Variants in ARRB1 observed in about 807,000 individuals in gnomAD.
The protein encoded by ARRB1 is arrestin beta 1.
ARRB1 carries 21 observed loss-of-function variants against 56.8 expected under a neutral mutation model. That is an observed-to-expected ratio of 0.37 (90% CI 0.26 to 0.53). ARRB1 has a LOEUF of 0.53. ARRB1 is among the 20% of genes least tolerant of loss of function. ARRB1 has a pLI of 0.88. For missense variants in ARRB1, 424 were observed against 553.7 expected (o/e 0.77, Z 2.35); for synonymous variants, 210 against 218.6 (o/e 0.96, Z 0.35).
chr11:75,333,104 G>A (rs543013), intron 1 of ARRB1, among the ~76,000 whole-genome samples: 32,514 of 152,074 alleles, frequency 0.21, 3,823 homozygotes, highest in Non-Finnish European at 0.28. Flanking sequence ...CACAGGCCAC[G>A]GTCACTCATA....
In ARRB1 at chr11:75,322,243, C is replaced by T. The variant is rs553967842; in HGVS notation, c.20+29345G>A. Among the ~76,000 whole-genome samples the T allele has an allele frequency of 2.7e-4, 41 of 152,334 alleles. No individual in the cohort carries two copies. In the South Asian group the frequency reaches 7.5e-3, roughly 28 times the overall value. On this transcript the variant is annotated intron_variant, in intron 1 of 15. Transcript: ENST00000420843. ...AACAAAACCAAACCTACCAGCCAGA[C>T]GCCTGTTATCCCAGCACTTTGGGAG...
At chr11:75,282,804 C>T (rs1055957249) in intron 5 of ARRB1, among the ~76,000 whole-genome samples, 3 of 152,232 alleles carry the variant, frequency 2.0e-5, no homozygotes, top group African/African-American at 7.2e-5. Flanking sequence ...GGAGAGACCA[C>T]ACTGAATCTC....
chr11:75,279,483 C>CGGCATCT lies in ARRB1; in HGVS notation c.483-746_483-740dup, dbSNP rs545889230. On this transcript the variant is annotated intron_variant, in intron 7 of 15. Transcript: ENST00000420843. ...CGTCTCTGTGGCATGCTGGGAATGC[C>CGGCATCT]GGCATCTCCGTTGCTCAGATAAGCT... Among the ~76,000 whole-genome samples the CGGCATCT allele has an allele frequency of 1.3e-3, 195 of 152,160 alleles. 3 individuals carry two copies. In the South Asian group the frequency reaches 0.039, roughly 30 times the overall value.
At chr11:75,334,800 C>T (rs551624425) in intron 1 of ARRB1, among the ~76,000 whole-genome samples, 5 of 152,286 alleles carry the variant, frequency 3.3e-5, no homozygotes, top group African/African-American at 1.2e-4. Flanking sequence ...TATGACAGAT[C>T]TCTGCTGTGG....
chr11:75,278,556 G>A (rs1946251767), intron 8 of ARRB1, 53 bp downstream of exon 8: 3 of 1,610,990 alleles, frequency 1.9e-6, no homozygotes, highest in East Asian at 2.2e-5. Flanking sequence ...GGGATCTGAG[G>A]CCCAGGCCCT....
intron 10 of ARRB1, among the ~76,000 whole-genome samples, chr11:75,275,849 T>C (rs1396736695): frequency 2.0e-5 from 3 of 152,198 alleles, no homozygotes; most frequent in Non-Finnish European, 4.4e-5. Flanking sequence ...TCCCTGCTGG[T>C]ATTCGTTATG....
chr11:75,288,239 T>C (rs1946527264), intron 2 of ARRB1, among the ~76,000 whole-genome samples: 1 of 152,200 alleles, frequency 6.6e-6, no homozygotes, highest in Non-Finnish European at 1.5e-5. Context: ...TAGATATACA[T>C]TGTGGAAAGG....
chr11:75,314,507 G>A (rs1039388554), intron 1 of ARRB1, among the ~76,000 whole-genome samples: 2 of 152,230 alleles, frequency 1.3e-5, no homozygotes, highest in African/African-American at 2.4e-5. Context: ...AGGCCCCAGA[G>A]TGTCACTCTG....
At chr11:75,340,542 C>T (rs1232526176) in intron 1 of ARRB1, among the ~76,000 whole-genome samples, 1 of 152,236 alleles carries the variant, frequency 6.6e-6, no homozygotes, top group Non-Finnish European at 1.5e-5. Flanking sequence ...CCCAGCACTA[C>T]GAGGAGAGGC....
At chr11:75,318,147 C>CTTTT (rs547084580) in intron 1 of ARRB1, among the ~76,000 whole-genome samples, 1 of 76,908 alleles carries the variant, frequency 1.3e-5, no homozygotes, top group Non-Finnish European at 2.3e-5. Context: ...GCATTTCTAA[C>CTTTT]TTTTTTTTTT....
chr11:75,268,734 G>A (rs1946001253), intron 14 of ARRB1, among the ~76,000 whole-genome samples, 155 bp downstream of exon 14: 1 of 152,060 alleles, frequency 6.6e-6, no homozygotes, highest in South Asian at 2.1e-4. Context: ...TCCTGGTGGG[G>A]TCAGAAGCAA....
chr11:75,316,764 T>C (rs1050638787), intron 1 of ARRB1, among the ~76,000 whole-genome samples: 1 of 151,962 alleles, frequency 6.6e-6, no homozygotes, highest in African/African-American at 2.4e-5. Flanking sequence ...AAAAAATTTT[T>C]TTTTAATTAA....
In ARRB1 at chr11:75,271,686, A is replaced by C. The variant is rs137925861; in HGVS notation, c.1022+15T>G. 105 of 1,563,196 alleles carry C rather than the reference A, an allele frequency of 6.7e-5. 1 individual carries two copies. The East Asian group carries it at 2.5e-3, about 37-fold the overall frequency. Reference sequence around the variant, plus strand: ...CCAGGAAGGTGGGTGAACCAGGTGGAAGGGAGGAATTTACCTGGATGCAAG... The same window carrying C: ...CCAGGAAGGTGGGTGAACCAGGTGGCAGGGAGGAATTTACCTGGATGCAAG... On this transcript the variant is annotated intron_variant, in intron 13 of 15. Transcript: ENST00000420843.
chr11:75,325,072 G>A (rs564011), intron 1 of ARRB1, among the ~76,000 whole-genome samples: 87,921 of 151,492 alleles, frequency 0.58, 25,939 homozygotes, highest in African/African-American at 0.69. Flanking sequence ...TATGCTGGTT[G>A]TCAGGGTTGG....
At chr11:75,272,608 G>C (rs1394409821) in intron 12 of ARRB1, among the ~76,000 whole-genome samples, 3 of 152,136 alleles carry the variant, frequency 2.0e-5, no homozygotes, top group African/African-American at 7.2e-5. Flanking sequence ...CGTCCCCTGG[G>C]CATGGCCAAT....
At chr11:75,303,527 C>A (rs766082631) in intron 1 of ARRB1, 1 of 454,534 alleles carries the variant, frequency 2.2e-6, no homozygotes, top group Non-Finnish European at 4.4e-6. Flanking sequence ...TCCTTCCATT[C>A]GTCTTTCTTA....
chr11:75,305,018 CTTTTTTTTTTTTT>C (rs35323331), intron 1 of ARRB1, among the ~76,000 whole-genome samples: 3 of 86,732 alleles, frequency 3.5e-5, no homozygotes, highest in East Asian at 3.5e-4. Flanking sequence ...TTCTTTCTTT[CTTTTTTTTTTTTT>C]TTTTTTTTTG....
chr11:75,298,287 CA>C (rs1252633625), intron 1 of ARRB1, among the ~76,000 whole-genome samples: 3 of 149,716 alleles, frequency 2.0e-5, no homozygotes, highest in Non-Finnish European at 4.4e-5. Flanking sequence ...CAAATATTTT[CA>C]AATCATTTAT....
At chr11:75,346,960 C>A (rs561923) in intron 1 of ARRB1, among the ~76,000 whole-genome samples, 30,395 of 152,246 alleles carry the variant, frequency 0.2, 3,292 homozygotes, top group Non-Finnish European at 0.26. Context: ...CAGGCCTCAG[C>A]CAGATGGTAG....
Sources: gnomAD v4.1 joint callset for allele counts (sites outside exome capture counted in the v4.1 genomes callset) on GRCh38, gnomAD v4.1.1 for gene constraint, MANE v1.5 for transcripts, NCBI Gene and HGNC (gene_info 2026-07-23, HGNC 2026-07-21) for gene names.